The following PELI2 variants were observed in gnomAD, a reference collection of about 807,000 sequenced individuals.
PELI2 encodes pellino E3 ubiquitin protein ligase family member 2.
A neutral mutation model predicts 42.3 loss-of-function variants in PELI2; 23 were observed. The observed-to-expected ratio is 0.54, with a 90% CI of 0.39 to 0.77. PELI2 has a LOEUF of 0.77. Ranked by LOEUF, PELI2 falls within the 30% of genes least tolerant of loss-of-function variation. PELI2 has a pLI of 0.00. For synonymous variants in PELI2, 245 were observed against 212.2 expected, an observed-to-expected ratio of 1.15 and a Z score of -1.34; for missense variants, 463 against 553.2, an observed-to-expected ratio of 0.84 and a Z score of 1.64.
chr14:56,119,629 A>G (rs1205831014), intron 1 of PELI2: 4 of 260,738 alleles, frequency 1.5e-5, no homozygotes, highest in Non-Finnish European at 2.4e-5. Flanking sequence ...TGACATTTCT[A>G]TTGTTTACCC....
intron 1 of PELI2, among the ~76,000 whole-genome samples, chr14:56,146,618 A>G (rs1449530060): frequency 2.6e-5 from 4 of 152,194 alleles, no homozygotes; most frequent in Non-Finnish European, 5.9e-5. Flanking sequence ...GAATGTACAC[A>G]GTCATAGGGT....
Position 56,277,283 on chromosome 14 carries a change from G to A in PELI2, c.208-2393G>A, listed in dbSNP as rs190219892. 5.3e-3 allele frequency among the ~76,000 whole-genome samples: 811 copies of A among 152,126 alleles called. 43 individuals are homozygous for A. The highest frequency in any genetic ancestry group is 0.048 in the Admixed American group (727 of 15,268). On this transcript the variant is annotated intron_variant, in intron 2 of 5. Coordinates refer to ENST00000267460, the MANE Select transcript of PELI2 (RefSeq NM_021255.3). ...TTGCTTGCATTACGGGTTGAACTCC[G>A]CCTCCTGTCAGATCAGCGGTGGCAT...
chr14:56,252,185 G>A (rs957964573), intron 2 of PELI2, among the ~76,000 whole-genome samples: 36 of 152,316 alleles, frequency 2.4e-4, no homozygotes, highest in Non-Finnish European at 1.3e-4. Context: ...ATAGCCTAGG[G>A]TAAGGGTGCT....
intron 2 of PELI2, among the ~76,000 whole-genome samples, chr14:56,261,701 G>T (rs1888720088): frequency 6.6e-6 from 1 of 152,178 alleles, no homozygotes; most frequent in African/African-American, 2.4e-5. Context: ...TGGTTGTGTG[G>T]ATCAGATGAC....
At chr14:56,234,907 G>C (rs545814507) in intron 2 of PELI2, among the ~76,000 whole-genome samples, 1 of 152,254 alleles carries the variant, frequency 6.6e-6, no homozygotes, top group South Asian at 2.1e-4. Context: ...GTGGGTGCTG[G>C]CAGGGGCTTA....
intron 2 of PELI2, among the ~76,000 whole-genome samples, chr14:56,238,670 A>G (rs1421572059): frequency 2.0e-5 from 3 of 152,186 alleles, no homozygotes; most frequent in Non-Finnish European, 2.9e-5. Context: ...TCTAAATTTC[A>G]GGCACTGAAT....
At chr14:56,270,870 T>G (rs1369443900) in intron 2 of PELI2, among the ~76,000 whole-genome samples, 2 of 152,142 alleles carry the variant, frequency 1.3e-5, no homozygotes, top group African/African-American at 2.4e-5. Context: ...AGCATCAGAG[T>G]CCACTAGCCA....
At chr14:56,158,517 T>C (rs746146667) in intron 1 of PELI2, among the ~76,000 whole-genome samples, 40 of 152,012 alleles carry the variant, frequency 2.6e-4, no homozygotes, top group Non-Finnish European at 4.4e-4. Flanking sequence ...AATTTTTATA[T>C]TTTATTTATT....
chr14:56,229,020 C>A (rs911322701), intron 2 of PELI2, among the ~76,000 whole-genome samples: 1 of 152,208 alleles, frequency 6.6e-6, no homozygotes, highest in Non-Finnish European at 1.5e-5. Context: ...AGTCTGAGAT[C>A]GAACTGCAAG....
At chr14:56,139,897 A>AT (rs1430827136) in intron 1 of PELI2, among the ~76,000 whole-genome samples, 3 of 150,418 alleles carry the variant, frequency 2.0e-5, no homozygotes, top group African/African-American at 7.3e-5. Context: ...TAAAAAAAAA[A>AT]GGTGAGATTT....
intron 1 of PELI2, among the ~76,000 whole-genome samples, chr14:56,167,217 G>C (rs536702788): frequency 5.9e-5 from 9 of 152,230 alleles, no homozygotes; most frequent in African/African-American, 2.2e-4. Flanking sequence ...TCTTTCTTTA[G>C]ATTTGGGGAG....
At chr14:56,267,347 T>G (rs759198180) in intron 2 of PELI2, among the ~76,000 whole-genome samples, 1 of 152,096 alleles carries the variant, frequency 6.6e-6, no homozygotes, top group Non-Finnish European at 1.5e-5. Context: ...CTTTTCAGAT[T>G]AAGAAATAGA....
rs1205090987 is a variant in PELI2 at position 56,197,949 on chromosome 14, C to T, written c.207+19485C>T. Among the ~76,000 whole-genome samples the T allele has an allele frequency of 3.1e-5, 4 of 127,430 alleles. No homozygotes were observed. The highest frequency in any genetic ancestry group is 1.2e-4 in the African/African-American group (4 of 32,944). 83.6% of individuals were successfully genotyped at this position (127,430 alleles called of 152,430 possible). A position where few individuals can be genotyped will look rare whatever the true frequency, so the allele number is the denominator to read the frequency against. On this transcript the variant is annotated intron_variant, in intron 2 of 5. Coordinates refer to ENST00000267460, the MANE Select transcript of PELI2 (RefSeq NM_021255.3). The surrounding 1 kb of genome is among the most constrained non-coding windows in gnomAD (Gnocchi z 4.9). Reference sequence around the variant, plus strand: ...CACACACACACACACACACACACACCAGGGATCATGACTGGTGAAGACACA... The same window carrying T: ...CACACACACACACACACACACACACTAGGGATCATGACTGGTGAAGACACA...
intron 1 of PELI2, among the ~76,000 whole-genome samples, chr14:56,137,460 C>A (rs1031881661): frequency 1.3e-5 from 2 of 152,154 alleles, no homozygotes; most frequent in Admixed American, 6.5e-5. Context: ...TTCCAGGTTC[C>A]CTTGACGGTA....
At chr14:56,134,777 ATT>A (rs74387457) in intron 1 of PELI2, among the ~76,000 whole-genome samples, 38 of 140,800 alleles carry the variant, frequency 2.7e-4, no homozygotes, top group Admixed American at 2.1e-4. Flanking sequence ...TCAGTAAACT[ATT>A]TTTTTTTTTT....
intron 1 of PELI2, among the ~76,000 whole-genome samples, chr14:56,174,199 A>G (rs1885285809): frequency 6.6e-6 from 1 of 152,150 alleles, no homozygotes; most frequent in Non-Finnish European, 1.5e-5. Flanking sequence ...CATCATGCCC[A>G]GCCTTGGATT....
chr14:56,146,616 A>G (rs1290907411), intron 1 of PELI2, among the ~76,000 whole-genome samples: 1 of 152,192 alleles, frequency 6.6e-6, no homozygotes, highest in East Asian at 1.9e-4. Context: ...CAGAATGTAC[A>G]CAGTCATAGG....
chr14:56,121,067 A>G (rs1342992833), intron 1 of PELI2, among the ~76,000 whole-genome samples: 1 of 152,194 alleles, frequency 6.6e-6, no homozygotes, highest in African/African-American at 2.4e-5. Flanking sequence ...CAACAATAAC[A>G]TTCACATAGA....
intron 1 of PELI2, among the ~76,000 whole-genome samples, chr14:56,176,386 A>G (rs897916088): frequency 3.9e-5 from 6 of 152,186 alleles, no homozygotes; most frequent in African/African-American, 1.4e-4. Context: ...CCAGCAGATG[A>G]GACATGGAGT....
Sources: allele counts gnomAD v4.1 joint callset (sites outside exome capture counted in the v4.1 genomes callset), GRCh38; gene constraint gnomAD v4.1.1; non-coding constraint Gnocchi (gnomAD v3.1); transcripts MANE v1.5; gene names NCBI Gene and HGNC (gene_info 2026-07-23, HGNC 2026-07-21).